CNTN4: variants seen among roughly 807,000 people sequenced by gnomAD.
CNTN4 encodes the protein contactin-4.
Under a neutral mutation model 122.5 loss-of-function variants are expected in CNTN4, and 77 were observed. The observed-to-expected ratio is 0.63, with a 90% CI of 0.52 to 0.76. The LOEUF is 0.76. Ranked by LOEUF, CNTN4 falls within the 30% of genes least tolerant of loss-of-function variation. The probability of loss-of-function intolerance (pLI) is 0.00; values close to 1 mark genes in which losing one functional copy is unlikely to be tolerated. For synonymous variants in CNTN4, 512 were observed against 447.0 expected (o/e 1.15, Z -1.83); for missense variants, 1,256 against 1,259.1 (o/e 1.00, Z 0.04).
At chr3:2,479,708 ATTAAAAGTCTTGC>A (rs1228137699) in intron 3 of CNTN4, among the ~76,000 whole-genome samples, 1 of 152,202 alleles carries the variant, frequency 6.6e-6, no homozygotes, top group Non-Finnish European at 1.5e-5. Context: ...CAATACTGCC[ATTAAAAGTCTTGC>A]TTCCGCTGTT....
At chr3:2,577,212 A>C (rs1003928206) in intron 4 of CNTN4, among the ~76,000 whole-genome samples, 1 of 152,166 alleles carries the variant, frequency 6.6e-6, no homozygotes, top group Non-Finnish European at 1.5e-5. Flanking sequence ...CTCTACTTTT[A>C]GGGGAGTCCA....
intron 4 of CNTN4, among the ~76,000 whole-genome samples, chr3:2,725,493 A>T (rs183726706): frequency 2.9e-4 from 44 of 152,324 alleles, no homozygotes; most frequent in East Asian, 2.7e-3. Flanking sequence ...TCAAAAGGCC[A>T]CCATTAAAGT....
rs116717824 is a variant in CNTN4, at chr3:2,471,498, G to A, written c.-88-99918G>A. 3.7e-3 allele frequency among the ~76,000 whole-genome samples: 570 copies of A among 152,084 alleles called. 3 individuals are homozygous for A. The highest frequency in any genetic ancestry group is 0.017 in the Middle Eastern group (5 of 294). Reference sequence around the variant, plus strand: ...TAATTTTTTTTCCTTAGAAGTGAGTGGCATCTGTGTTTTCTCTTTTTAATG... The same window carrying A: ...TAATTTTTTTTCCTTAGAAGTGAGTAGCATCTGTGTTTTCTCTTTTTAATG... On this transcript the variant is annotated intron_variant, in intron 3 of 24. Transcript: ENST00000418658.
rs138150932 is a variant in CNTN4, at chr3:2,811,959, C to G, written c.359-7527C>G. 2.3e-3 allele frequency among the ~76,000 whole-genome samples: 350 copies of G among 152,254 alleles called. 3 individuals are homozygous for G. Among genetic ancestry groups the G allele is most frequent in the African/African-American group, 8.2e-3 (342 of 41,548 alleles). ...GCGATTACAGGCATGAGCCACTGTG[C>G]CCAGCCAAAAATCACATATATTTAC... is the stretch of plus-strand genomic sequence containing the variant. On this transcript the variant is annotated intron_variant, in intron 6 of 24. Coordinates refer to ENST00000418658, the MANE Select transcript of CNTN4 (RefSeq NM_175607.3).
chr3:2,430,768 T>C (rs1046153206), intron 3 of CNTN4, among the ~76,000 whole-genome samples: 2 of 152,176 alleles, frequency 1.3e-5, no homozygotes, highest in Non-Finnish European at 2.9e-5. Flanking sequence ...TTATTCTACA[T>C]GTGTTGTTAT....
At chr3:2,775,254 C>T (rs771556851) in intron 6 of CNTN4, among the ~76,000 whole-genome samples, 2 of 152,132 alleles carry the variant, frequency 1.3e-5, no homozygotes, top group Non-Finnish European at 2.9e-5. Context: ...CCAGCCAGTT[C>T]ATTCTTATGA....
At chr3:2,608,139 G>A (rs2081335829) in intron 4 of CNTN4, among the ~76,000 whole-genome samples, 1 of 152,162 alleles carries the variant, frequency 6.6e-6, no homozygotes, top group African/African-American at 2.4e-5. Context: ...TTGAGGCATT[G>A]TTTCAGCCAC....
At chr3:2,688,849 AG>A (rs2085574313) in intron 4 of CNTN4, among the ~76,000 whole-genome samples, 2 of 152,192 alleles carry the variant, frequency 1.3e-5, no homozygotes, top group Admixed American at 1.3e-4. Context: ...TCTGTGGCCC[AG>A]TCACTAGTGA....
chr3:2,143,925 T>C (rs1033984224), intron 2 of CNTN4, among the ~76,000 whole-genome samples: 5 of 152,234 alleles, frequency 3.3e-5, no homozygotes, highest in African/African-American at 9.6e-5. Context: ...ATATTTTGGT[T>C]ACTTTTTAGG....
chr3:2,912,590 T>C (rs2094312752), intron 12 of CNTN4, among the ~76,000 whole-genome samples: 2 of 152,236 alleles, frequency 1.3e-5, no homozygotes, highest in Non-Finnish European at 2.9e-5. Context: ...GTATAGAATG[T>C]TTTAAAAAGT....
At position 2,431,200 on chromosome 3, in the gene CNTN4, C is replaced by T. The variant is rs370634824; in HGVS notation, c.-89+91967C>T. On this transcript the variant is annotated intron_variant, in intron 3 of 24. Transcript: ENST00000418658. ...AGGAAAGGTTCTAAAAGGTATGGGC[C>T]GCACCTGTACTAGAATATTATAACC... is the stretch of plus-strand genomic sequence containing the variant. Among the ~76,000 whole-genome samples the T allele has an allele frequency of 3.7e-4, 56 of 151,930 alleles. No individual in the cohort carries two copies. In the East Asian group the frequency reaches 5.8e-3, roughly 16 times the overall value.
intron 4 of CNTN4, among the ~76,000 whole-genome samples, chr3:2,700,236 C>T (rs1256060249): frequency 6.6e-6 from 1 of 152,128 alleles, no homozygotes. Context: ...GATGTAATAA[C>T]CTTATGAGAT....
At chr3:2,596,752 C>G (rs1004637705) in intron 4 of CNTN4, among the ~76,000 whole-genome samples, 1 of 152,110 alleles carries the variant, frequency 6.6e-6, no homozygotes, top group Non-Finnish European at 1.5e-5. Flanking sequence ...GGTCCATGCT[C>G]TTTATCACTA....
intron 4 of CNTN4, among the ~76,000 whole-genome samples, chr3:2,589,948 A>G (rs149705543): frequency 7.2e-5 from 11 of 152,268 alleles, no homozygotes; most frequent in African/African-American, 1.9e-4. Flanking sequence ...ATAATATTCA[A>G]TTTATTATAA....
At chr3:2,490,476 T>C (rs932753700) in intron 3 of CNTN4, among the ~76,000 whole-genome samples, 4 of 152,190 alleles carry the variant, frequency 2.6e-5, no homozygotes, top group African/African-American at 9.6e-5. Context: ...TTGTTTTTCC[T>C]CATAAGCCAT....
intron 3 of CNTN4, chr3:2,362,598 C>A: frequency 2.0e-6 from 1 of 508,064 alleles, no homozygotes; most frequent in East Asian, 5.1e-5. Flanking sequence ...ACACCTACTC[C>A]TTGTGTGTAA....
At chr3:2,287,670 GAAGAAGAAGAA>G (rs1559415473) in intron 2 of CNTN4, among the ~76,000 whole-genome samples, 9 of 59,250 alleles carry the variant, frequency 1.5e-4, no homozygotes, top group African/African-American at 2.6e-4. Context: ...AGAAGAAGAA[GAAGAAGAAGAA>G]GAAGAAGAAG....
At chr3:2,801,212 G>C (rs2728085) in intron 6 of CNTN4, among the ~76,000 whole-genome samples, 84,859 of 151,932 alleles carry the variant, frequency 0.56, 24,647 homozygotes, top group South Asian at 0.75. Context: ...AGAACTGAAT[G>C]AATGAATCTG....
chr3:2,634,707 T>A (rs2082586754), intron 4 of CNTN4, among the ~76,000 whole-genome samples: 1 of 123,968 alleles, frequency 8.1e-6, no homozygotes, highest in African/African-American at 3.8e-5. Flanking sequence ...TATATATATG[T>A]TAGCTGGGCG....
Sources: gnomAD v4.1 joint callset for allele counts (sites outside exome capture counted in the v4.1 genomes callset) on GRCh38, gnomAD v4.1.1 for gene constraint, MANE v1.5 for transcripts, NCBI Gene and HGNC (gene_info 2026-07-23, HGNC 2026-07-21) for gene names.